ACYP2: variants seen among roughly 807,000 people sequenced by gnomAD.
ACYP2 encodes the protein acylphosphatase 2.
ACYP2 carries 12 observed loss-of-function variants against 11.2 expected under a neutral mutation model. The ratio of observed to expected loss-of-function variants is 1.08; its 90% CI spans 0.69 to 1.74. ACYP2 has a LOEUF of 1.74. Among genes scored for constraint, ACYP2 ranks in the 40% most tolerant of loss-of-function variants. The pLI is 0.00. For missense variants in ACYP2, 134 were observed against 101.9 expected, an observed-to-expected ratio of 1.31 and a Z score of -1.35; for synonymous variants, 43 against 32.2, an observed-to-expected ratio of 1.33 and a Z score of -1.13.
chr2:54,118,706 A>G (rs919294824), intron 4 of ACYP2, among the ~76,000 whole-genome samples: 1 of 152,268 alleles, frequency 6.6e-6, no homozygotes, highest in African/African-American at 2.4e-5. Context: ...AGAGAAACGT[A>G]CTATACATAA....
rs115679541 is a variant in ACYP2 at position 54,274,550 on chromosome 2, C to T, written c.405-30138C>T. On this transcript the variant is annotated intron_variant, in intron 6 of 6. Transcript: ENST00000607452. ...CAGCTAGTGGGAGGATCACTTGAGC[C>T]TGAAAGGCCAAGGCTGCAGTGAGCC... Among the ~76,000 whole-genome samples, 435 of 141,816 alleles carry T rather than the reference C, an allele frequency of 3.1e-3. 3 individuals are homozygous for T. The highest frequency in any genetic ancestry group is 0.011 in the African/African-American group (410 of 38,500). The allele number at this position is 141,816 out of a possible 152,430, so 93.0% of individuals were successfully genotyped here.
intron 6 of ACYP2, among the ~76,000 whole-genome samples, chr2:54,202,706 C>CTTTTTTTTTTTTTTTTTTTTTTTTTTTT (rs70944152): frequency 2.3e-5 from 1 of 43,056 alleles, no homozygotes; most frequent in African/African-American, 8.6e-5. Context: ...CGGCGCCTGG[C>CTTTTTTTTTTTTTTTTTTTTTTTTTTTT]TTTTTTTTTT....
intron 6 of ACYP2, among the ~76,000 whole-genome samples, chr2:54,174,820 A>G (rs1386352923): frequency 6.6e-6 from 1 of 152,108 alleles, no homozygotes; most frequent in South Asian, 2.1e-4. Context: ...TATGTGATGG[A>G]TTACATTTAT....
intron 4 of ACYP2, among the ~76,000 whole-genome samples, chr2:54,084,335 T>C (rs996580579): frequency 1.3e-5 from 2 of 152,180 alleles, no homozygotes; most frequent in African/African-American, 4.8e-5. Context: ...CACTCTGTCG[T>C]CCAGGCTGGA....
chr2:54,080,794 T>G (rs568122287), intron 4 of ACYP2, among the ~76,000 whole-genome samples: 43 of 152,030 alleles, frequency 2.8e-4, no homozygotes, highest in Non-Finnish European at 5.6e-4. Flanking sequence ...TGCCTCTTTT[T>G]TTTCCCTTTT....
At chr2:54,190,399 T>A (rs1445809805) in intron 6 of ACYP2, among the ~76,000 whole-genome samples, 5 of 152,058 alleles carry the variant, frequency 3.3e-5, no homozygotes, top group African/African-American at 1.2e-4. Context: ...TCTCTCATTG[T>A]CTCCCCTTTC....
intron 2 of ACYP2, among the ~76,000 whole-genome samples, chr2:54,005,948 G>C (rs528282928): frequency 1.3e-5 from 2 of 152,124 alleles, no homozygotes; most frequent in Non-Finnish European, 2.9e-5. Context: ...TTGAGTTTTC[G>C]TAATCATAAA....
chr2:54,094,514 C>G (rs771697497), intron 4 of ACYP2, among the ~76,000 whole-genome samples: 3 of 151,542 alleles, frequency 2.0e-5, no homozygotes. Context: ...CAGGTGTGAG[C>G]CACCATGCCC....
In ACYP2 at chr2:54,223,685, C is replaced by G. The variant is rs1349518196; in HGVS notation, c.405-81003C>G. ...TCTTAATTCCTGTCAGAATTATTTT[C>G]AGTGGGAGAAATCTGAGTACAAATT... On this transcript the variant is annotated intron_variant, in intron 6 of 6. Transcript: ENST00000607452. Among the ~76,000 whole-genome samples the G allele has an allele frequency of 2.6e-5, 4 of 152,126 alleles. No individual in the cohort carries two copies. In the South Asian group the frequency reaches 8.3e-4, roughly 32 times the overall value.
intron 4 of ACYP2, among the ~76,000 whole-genome samples, chr2:54,112,503 A>T (rs1164207997): frequency 6.6e-6 from 1 of 152,204 alleles, no homozygotes; most frequent in African/African-American, 2.4e-5. Context: ...TTCCAACTTC[A>T]ATTAAAAATA....
At chr2:54,275,098 A>G (rs1293113908) in intron 6 of ACYP2, among the ~76,000 whole-genome samples, 1 of 152,242 alleles carries the variant, frequency 6.6e-6, no homozygotes, top group Non-Finnish European at 1.5e-5. Flanking sequence ...TTGCCTCAAT[A>G]ACTTTGGTTT....
chr2:54,052,149 T>A (rs1432650238), intron 3 of ACYP2, among the ~76,000 whole-genome samples: 1 of 152,020 alleles, frequency 6.6e-6, no homozygotes, highest in Non-Finnish European at 1.5e-5. Context: ...AAGATGATGA[T>A]GCTGAATAAG....
In ACYP2 at chr2:54,241,375, G is replaced by A. The variant is rs80046065; in HGVS notation, c.405-63313G>A. Among the ~76,000 whole-genome samples the A allele has an allele frequency of 7.7e-3, 1,174 of 152,238 alleles. 15 individuals carry two copies. The highest frequency in any genetic ancestry group is 0.027 in the African/African-American group (1,130 of 41,556). On this transcript the variant is annotated intron_variant, in intron 6 of 6. Coordinates refer to ENST00000607452, the MANE Select transcript of ACYP2 (RefSeq NM_001320586.2). ...GTATGATATTGAACCGAAAAATGAA[G>A]CCTTCTACTAACAAATGTGTTGAAG...
intron 4 of ACYP2, among the ~76,000 whole-genome samples, chr2:54,101,344 A>G (rs1367847862): frequency 2.6e-5 from 4 of 151,780 alleles, no homozygotes; most frequent in Non-Finnish European, 5.9e-5. Flanking sequence ...ATTCTTGCCT[A>G]TTTTCTTCCC....
intron 6 of ACYP2, among the ~76,000 whole-genome samples, chr2:54,215,286 T>G (rs1478167043): frequency 6.6e-6 from 1 of 152,172 alleles, no homozygotes; most frequent in Admixed American, 6.5e-5. Flanking sequence ...AGTACTATGT[T>G]GAATAGGAAT....
intron 4 of ACYP2, among the ~76,000 whole-genome samples, chr2:54,091,898 C>G (rs1301863894): frequency 6.6e-6 from 1 of 152,050 alleles, no homozygotes; most frequent in Non-Finnish European, 1.5e-5. Flanking sequence ...CTCAGAGATG[C>G]TGGTGGGAGG....
chr2:54,115,843 G>A (rs758093366), intron 4 of ACYP2, 87 bp downstream of exon 1: 85 of 1,385,368 alleles, frequency 6.1e-5, no homozygotes, highest in Non-Finnish European at 7.2e-5. Flanking sequence ...CCTAAAGTAT[G>A]CCTTTTCCCG....
chr2:54,099,992 G>C (rs1678808059), intron 4 of ACYP2, among the ~76,000 whole-genome samples: 1 of 152,140 alleles, frequency 6.6e-6, no homozygotes, highest in Non-Finnish European at 1.5e-5. Context: ...TAACAGGTGT[G>C]AGGCGGTATC....
At chr2:54,016,493 C>A (rs561665456) in intron 2 of ACYP2, among the ~76,000 whole-genome samples, 1 of 151,972 alleles carries the variant, frequency 6.6e-6, no homozygotes, top group Non-Finnish European at 1.5e-5. Flanking sequence ...TTTCATCACA[C>A]CCTAATGAGG....
Sources: allele counts gnomAD v4.1 joint callset (sites outside exome capture counted in the v4.1 genomes callset), GRCh38; gene constraint gnomAD v4.1.1; transcripts MANE v1.5; gene names NCBI Gene and HGNC (gene_info 2026-07-23, HGNC 2026-07-21).